The following RNF6 variants were observed in gnomAD, a reference collection of about 807,000 sequenced individuals.
RNF6 encodes ring finger protein 6, also known as E3 ubiquitin-protein ligase RNF6.
RNF6 carries 21 observed loss-of-function variants against 50.1 expected under a neutral mutation model. The observed-to-expected ratio is 0.42, with a 90% CI of 0.30 to 0.60. The LOEUF is 0.60. Among genes scored for constraint, RNF6 ranks in the 20% least tolerant of loss-of-function variants. RNF6 has a pLI of 0.20. For missense variants in RNF6, 698 were observed against 838.2 expected, an observed-to-expected ratio of 0.83 and a Z score of 2.07; for synonymous variants, 255 against 291.8, an observed-to-expected ratio of 0.87 and a Z score of 1.29.
At chr13:26,154,672 T>C (rs1435445690) in intron 5 of RNF6, among the ~76,000 whole-genome samples, 1 of 152,212 alleles carries the variant, frequency 6.6e-6, no homozygotes, top group Non-Finnish European at 1.5e-5. Flanking sequence ...AAGTTAGGTG[T>C]ACATATATGT....
At chr13:26,207,915 A>G (rs555469162), downstream of RNF6, among the ~76,000 whole-genome samples, 54 of 152,338 alleles carry the variant, frequency 3.5e-4, no homozygotes, top group Non-Finnish European at 5.4e-4. Flanking sequence ...TGCATGGTAG[A>G]GGCATTGGCT....
At chr13:26,202,487 G>C (rs1868935025) in intron 5 of RNF6, among the ~76,000 whole-genome samples, 1 of 152,148 alleles carries the variant, frequency 6.6e-6, no homozygotes, top group African/African-American at 2.4e-5. Context: ...AAGTTTTGTG[G>C]CTATGCCAGG....
intron 5 of RNF6, among the ~76,000 whole-genome samples, chr13:26,153,792 C>T (rs1015829375): frequency 8.6e-5 from 13 of 151,906 alleles, no homozygotes; most frequent in Admixed American, 7.2e-4. Context: ...ATAAAATGAC[C>T]GAAATTGCTC....
intron 4 of RNF6, among the ~76,000 whole-genome samples, chr13:26,216,179 G>A (rs1869854408): frequency 6.6e-6 from 1 of 152,096 alleles, no homozygotes; most frequent in Non-Finnish European, 1.5e-5. Context: ...TGAGAAACCA[G>A]GCAAGTTACT....
intron 5 of RNF6, among the ~76,000 whole-genome samples, chr13:26,190,840 A>C (rs1188700770): frequency 6.6e-6 from 1 of 152,214 alleles, no homozygotes; most frequent in East Asian, 1.9e-4. Context: ...TCCTCAAAGG[A>C]TGCAATGGCC....
chr13:26,210,327 C>T (rs368321045), downstream of RNF6, among the ~76,000 whole-genome samples: 1 of 152,136 alleles, frequency 6.6e-6, no homozygotes, highest in African/African-American at 2.4e-5. Context: ...CAGATTATTC[C>T]AATGGAGAGA....
intron 5 of RNF6, among the ~76,000 whole-genome samples, chr13:26,167,938 C>T (rs546781532): frequency 3.3e-5 from 5 of 152,138 alleles, no homozygotes; most frequent in Admixed American, 2.0e-4. Context: ...AGCAAACTAA[C>T]ACAGGAACAG....
At chr13:26,160,912 G>C (rs568948402) in intron 5 of RNF6, among the ~76,000 whole-genome samples, 8 of 151,932 alleles carry the variant, frequency 5.3e-5, no homozygotes, top group African/African-American at 1.9e-4. Flanking sequence ...TTCTTATAAG[G>C]CCACCAGTCA....
At chr13:26,187,539 C>T (rs1415812667) in intron 5 of RNF6, among the ~76,000 whole-genome samples, 1 of 152,202 alleles carries the variant, frequency 6.6e-6, no homozygotes, top group Non-Finnish European at 1.5e-5. Flanking sequence ...CCTAGTTCTT[C>T]CTGCGGTCCC....
At chr13:26,161,134 A>T (rs1872193766) in intron 5 of RNF6, among the ~76,000 whole-genome samples, 1 of 152,218 alleles carries the variant, frequency 6.6e-6, no homozygotes, top group African/African-American at 2.4e-5. Context: ...TTTAAATCTC[A>T]TAATAAAAGT....
intron 5 of RNF6, among the ~76,000 whole-genome samples, chr13:26,146,775 A>T (rs1304729076): frequency 6.6e-6 from 1 of 152,188 alleles, no homozygotes; most frequent in African/African-American, 2.4e-5. Flanking sequence ...TGTCTGCTTA[A>T]TGGACCTGAT....
At chr13:26,196,924 A>T (rs939984792) in intron 5 of RNF6, among the ~76,000 whole-genome samples, 17 of 152,174 alleles carry the variant, frequency 1.1e-4, no homozygotes, top group African/African-American at 3.9e-4. Context: ...AATCAAAGAT[A>T]TGATAACACA....
At chr13:26,205,857 C>A (rs920507259) in intron 5 of RNF6, among the ~76,000 whole-genome samples, 1 of 152,072 alleles carries the variant, frequency 6.6e-6, no homozygotes, top group East Asian at 1.9e-4. Flanking sequence ...ACAAAAAATA[C>A]AAAATTTAGC....
intron 5 of RNF6, among the ~76,000 whole-genome samples, chr13:26,186,819 C>G (rs1450151020): frequency 2.0e-5 from 3 of 151,434 alleles, no homozygotes; most frequent in African/African-American, 4.9e-5. Context: ...GTTCTGTCGC[C>G]CAGGCTGGAG....
intron 5 of RNF6, among the ~76,000 whole-genome samples, chr13:26,137,200 A>C (rs566004057): frequency 2.6e-5 from 4 of 152,268 alleles, no homozygotes; most frequent in African/African-American, 9.6e-5. Flanking sequence ...TTCCTGATGC[A>C]GGAGGGTGAA....
chr13:26,168,970 T>G (rs1489943282), intron 5 of RNF6, among the ~76,000 whole-genome samples: 1 of 152,144 alleles, frequency 6.6e-6, no homozygotes, highest in African/African-American at 2.4e-5. Context: ...GCCACTGCAC[T>G]CCAGACTGGG....
rs185602555 is a variant in RNF6 at position 26,173,607 on chromosome 13, T to C, written n.769-41156A>G. ...ATGCACAACACATTCATATTAGTAC[T>C]TGCAGGGGTTGGGGGCAGAAGGAAG... On this transcript the variant is annotated intron_variant and non_coding_transcript_variant, in intron 5 of 5. Coordinates refer to the RNF6 transcript ENST00000468480. Among the ~76,000 whole-genome samples the C allele has an allele frequency of 1.6e-3, 239 of 152,202 alleles. 3 individuals carry two copies. The highest frequency in any genetic ancestry group is 1.8e-4 in the Non-Finnish European group (12 of 68,006).
At chr13:26,221,789 C>T (rs1005978559) in intron 1 of RNF6, 1 of 152,250 alleles carries the variant, frequency 6.6e-6, no homozygotes, top group African/African-American at 2.4e-5. Context: ...AACCTCTTCC[C>T]AACCGAGCCT....
chr13:26,161,855 C>G (rs1240799983), intron 5 of RNF6, among the ~76,000 whole-genome samples: 2 of 152,162 alleles, frequency 1.3e-5, no homozygotes, highest in Non-Finnish European at 2.9e-5. Context: ...CTTCTCTTTC[C>G]CTTTCTGTTC....
Sources: allele counts gnomAD v4.1 joint callset (sites outside exome capture counted in the v4.1 genomes callset), GRCh38; gene constraint gnomAD v4.1.1; transcripts MANE v1.5; gene names NCBI Gene and HGNC (gene_info 2026-07-23, HGNC 2026-07-21).